ZNF197: variants seen among roughly 807,000 people sequenced by gnomAD.
ZNF197 encodes the protein VHL-associated KRAB-A domain-containing protein.
A neutral mutation model predicts 27.4 loss-of-function variants in ZNF197; 14 were observed. The ratio of observed to expected loss-of-function variants is 0.51; its 90% CI spans 0.34 to 0.80. The LOEUF is 0.80. ZNF197 is among the 30% of genes least tolerant of loss of function. The probability of loss-of-function intolerance (pLI) is 0.02; values close to 1 mark genes in which losing one functional copy is unlikely to be tolerated. For missense variants in ZNF197, 1,090 were observed against 1,222.6 expected (o/e 0.89, Z 1.62); for synonymous variants, 415 against 420.0 (o/e 0.99, Z 0.15).
In ZNF197 at chr3:44,629,153, CAAT is replaced by C. The variant is rs767185737; in HGVS notation, c.-1_2del. 6.0e-5 allele frequency: 96 copies of C among 1,600,690 alleles called. 1 individual carries two copies. Among genetic ancestry groups the C allele is most frequent in the African/African-American group, 9.5e-5 (7 of 73,842 alleles). ...GAGAGGAGCCTTTTTCAAAAAACAA[CAAT>C]GACAAGAGAAAATGTAGCCCACAAT... On this transcript the variant is annotated start_lost and 5_prime_UTR_variant, in exon 2 of 6. Transcript: ENST00000344387.
At chr3:44,637,483 A>C (rs1177908381) in intron 5 of ZNF197, among the ~76,000 whole-genome samples, 2 of 152,014 alleles carry the variant, frequency 1.3e-5, no homozygotes, top group East Asian at 1.9e-4. Context: ...AATTGTGATG[A>C]ATTCCAGTTT....
At chr3:44,630,846 C>G in intron 2 of ZNF197, 1 of 692,066 alleles carries the variant, frequency 1.4e-6, no homozygotes, top group South Asian at 1.5e-5. Context: ...TGTGTACAGT[C>G]TCCTCTGGGA....
chr3:44,642,677 A>T lies in ZNF197; in HGVS notation c.1547A>T (p.Gln516Leu). The change falls in exon 6 of 6, where the codon CAG (glutamine) becomes CTG (leucine). Residue 516 changes from glutamine to leucine, a missense_variant. Coordinates refer to ENST00000344387, the MANE Select transcript of ZNF197 (RefSeq NM_006991.5). ...GAACCTTATAAATGTAATAAGTGTC[A>T]GAAAGCTTTCATTCTGAAGAAGAGC... Reference protein sequence around the residue: ...GEEPYKCNKCQKAFILKKSLI... With the variant: ...GEEPYKCNKCLKAFILKKSLI... 6.2e-7 allele frequency: 1 copy of T among 1,614,022 alleles called. No individual in the cohort carries two copies.
chr3:44,635,644 A>G (rs982131264), intron 5 of ZNF197, among the ~76,000 whole-genome samples: 1 of 152,206 alleles, frequency 6.6e-6, no homozygotes, highest in Non-Finnish European at 1.5e-5. Context: ...AGGAGATTGG[A>G]CTAAAACTTG....
Position 44,644,842 on chromosome 3 carries a change from A to C in ZNF197, c.*622A>C. 1.0e-6 allele frequency: 1 copy of C among 962,916 alleles called. No homozygotes were observed. Among genetic ancestry groups the C allele is most frequent in the Admixed American group, 6.1e-5 (1 of 16,270 alleles). 59.6% of individuals were successfully genotyped at this position (962,916 alleles called of 1,614,324 possible). ...CGAGACAAGCCTGGGTAACACGGGGAGACCCGTCTTTAGTAAATAAAAATA... is the reference window on the plus strand; with the variant it reads ...CGAGACAAGCCTGGGTAACACGGGGCGACCCGTCTTTAGTAAATAAAAATA... On this transcript the variant is annotated 3_prime_UTR_variant, in exon 6 of 6. Coordinates refer to ENST00000344387, the MANE Select transcript of ZNF197 (RefSeq NM_006991.5).
chr3:44,629,660 C>T lies in ZNF197; in HGVS notation c.390+116C>T, dbSNP rs955914567. 2.0e-5 allele frequency: 26 copies of T among 1,278,166 alleles called. No individual in the cohort carries two copies. The African/African-American group carries it at 3.2e-4, about 16-fold the overall frequency. 79.2% of individuals were successfully genotyped at this position (1,278,166 alleles called of 1,614,324 possible). ...AAAAATTAATAGCATTAATAGCACACTAGCAACCTTAATGATAATTAAAGC... is the reference window on the plus strand; with the variant it reads ...AAAAATTAATAGCATTAATAGCACATTAGCAACCTTAATGATAATTAAAGC... On this transcript the variant is annotated intron_variant, in intron 2 of 5. Transcript: ENST00000344387.
chr3:44,630,736 A>C, intron 2 of ZNF197: 1 of 446,042 alleles, frequency 2.2e-6, no homozygotes, highest in East Asian at 6.0e-5. Flanking sequence ...GTCCGATCTA[A>C]AACTTAAGTC....
At chr3:44,632,705 C>A in intron 5 of ZNF197, 106 bp downstream of exon 5, 1 of 1,308,148 alleles carries the variant, frequency 7.6e-7, no homozygotes, top group Non-Finnish European at 1.0e-6. Context: ...CCGAATATTA[C>A]AAAGAAGAAA....
intron 5 of ZNF197, among the ~76,000 whole-genome samples, chr3:44,637,157 C>T (rs1252373202): frequency 6.6e-6 from 1 of 152,144 alleles, no homozygotes; most frequent in Non-Finnish European, 1.5e-5. Flanking sequence ...TCTGTGGGGT[C>T]TTGCCCTGTT....
Position 44,632,116 on chromosome 3 carries a change from C to T in ZNF197, c.562C>T (p.Pro188Ser), listed in dbSNP as rs775421298. 6.2e-7 allele frequency: 1 copy of T among 1,614,120 alleles called. No individual in the cohort carries two copies. Among genetic ancestry groups the T allele is most frequent in the Non-Finnish European group, 8.5e-7 (1 of 1,180,012 alleles). The change falls in exon 4 of 6, where the codon CCT (proline) becomes TCT (serine). Residue 188 changes from proline to serine, a missense_variant. Coordinates refer to ENST00000344387, the MANE Select transcript of ZNF197 (RefSeq NM_006991.5). ...TTCTCCCTCCTCAGATTCTCCTGCC[C>T]CTGAAGCTTCTGCCCTTTCCCAGGA... ...LQDPQHDSPA[P>S]EASALSQEEN...
At chr3:44,625,431 GC>G (rs1701589809) in intron 1 of ZNF197, among the ~76,000 whole-genome samples, 1 of 152,186 alleles carries the variant, frequency 6.6e-6, no homozygotes. Flanking sequence ...TGCCTCAGTA[GC>G]CTGCTCCCCC....
rs1702755355 is a variant in ZNF197 at position 44,643,499 on chromosome 3, A to AT, written c.2370dup (p.Glu791Ter). ...AGAATCCACAGTGGTGAGAAACCCT[A>AT]TGAGTGTGATGAGTGTGGCAAATGC... On this transcript the variant is annotated frameshift_variant, in exon 6 of 6. Coordinates refer to ENST00000344387, the MANE Select transcript of ZNF197 (RefSeq NM_006991.5). LOFTEE classifies it low-confidence loss of function (END_TRUNC). 1 of 1,613,986 alleles carries AT rather than the reference A, an allele frequency of 6.2e-7. No individual in the cohort carries two copies. The highest frequency in any genetic ancestry group is 8.5e-7 in the Non-Finnish European group (1 of 1,179,812).
intron 3 of ZNF197, 113 bp downstream of exon 3, chr3:44,631,334 T>A: frequency 7.6e-7 from 1 of 1,323,288 alleles, no homozygotes; most frequent in Non-Finnish European, 1.0e-6. Flanking sequence ...TCTCTTACAG[T>A]GCCAATTTCT....
chr3:44,646,368 G>A lies in ZNF197; in HGVS notation c.*2148G>A, dbSNP rs1253393743. Reference sequence around the variant, plus strand: ...GAATGCTGTGATTTACCTCTTCACCGAGTAACAAAATGTCACATTGCTTAG... The same window carrying A: ...GAATGCTGTGATTTACCTCTTCACCAAGTAACAAAATGTCACATTGCTTAG... On this transcript the variant is annotated 3_prime_UTR_variant, in exon 6 of 6. Transcript: ENST00000344387. 1.3e-5 allele frequency: 20 copies of A among 1,547,080 alleles called. No individual in the cohort carries two copies. Among genetic ancestry groups the A allele is most frequent in the Admixed American group, 1.2e-4 (6 of 50,772 alleles).
At chr3:44,641,652 T>C (rs906021684) in intron 5 of ZNF197, among the ~76,000 whole-genome samples, 1 of 152,242 alleles carries the variant, frequency 6.6e-6, no homozygotes, top group Non-Finnish European at 1.5e-5. Context: ...CAGCATTATT[T>C]GTATTTTTCT....
chr3:44,633,717 G>A (rs1201465573), intron 5 of ZNF197, among the ~76,000 whole-genome samples: 3 of 152,086 alleles, frequency 2.0e-5, no homozygotes, highest in Non-Finnish European at 4.4e-5. Flanking sequence ...TTCTATTCAA[G>A]AACATTACAT....
chr3:44,633,909 CTTTAT>C (rs1187377318), intron 5 of ZNF197, among the ~76,000 whole-genome samples: 1 of 152,138 alleles, frequency 6.6e-6, no homozygotes, highest in Non-Finnish European at 1.5e-5. Flanking sequence ...TACCTAGCAA[CTTTAT>C]TTTATTATCT....
intron 2 of ZNF197, chr3:44,630,685 C>A (rs963552806): frequency 2.7e-6 from 1 of 365,320 alleles, no homozygotes; most frequent in East Asian, 7.2e-5. Flanking sequence ...GTAAAGGGGT[C>A]AATAAGTAGA....
chr3:44,644,159 T>A lies in ZNF197; in HGVS notation c.3029T>A (p.Ile1010Asn). The A allele has an allele frequency of 6.2e-7, 1 of 1,613,054 alleles. No homozygotes were observed. Among genetic ancestry groups the A allele is most frequent in the Non-Finnish European group, 8.5e-7 (1 of 1,179,710 alleles). The change falls in exon 6 of 6, where the codon ATT becomes AAT. Residue 1010 changes from isoleucine to asparagine, a missense_variant. By Grantham distance (149) the Ile-to-Asn change is moderately radical. Coordinates refer to ENST00000344387, the MANE Select transcript of ZNF197 (RefSeq NM_006991.5). ...NLHLQQKIHT[I>N]EEFSWLQNTN... ...CATCTTCAACAGAAAATCCATACCA[T>A]TGAGGAATTCTCTTGGCTACAAAAC...
Sources: gnomAD v4.1 joint callset for allele counts (sites outside exome capture counted in the v4.1 genomes callset) on GRCh38, gnomAD v4.1.1 for gene constraint, MANE v1.5 for transcripts, NCBI Gene and HGNC (gene_info 2026-07-23, HGNC 2026-07-21) for gene names.